The following DOCK8 variants were observed in gnomAD, a reference collection of about 807,000 sequenced individuals.
The protein encoded by DOCK8 is dedicator of cytokinesis protein 8.
A neutral mutation model predicts 245.6 loss-of-function variants in DOCK8; 141 were observed. The observed-to-expected ratio is 0.57, with a 90% CI of 0.50 to 0.66. DOCK8 has a LOEUF of 0.66. DOCK8 is among the 30% of genes least tolerant of loss of function. The probability of loss-of-function intolerance (pLI) is 0.00; values close to 1 mark genes in which losing one functional copy is unlikely to be tolerated. For synonymous variants in DOCK8, 1,168 were observed against 970.2 expected (o/e 1.20, Z -3.79); for missense variants, 2,965 against 2,603.4 (o/e 1.14, Z -3.02).
intron 4 of DOCK8, among the ~76,000 whole-genome samples, chr9:301,351 A>G (rs2049535696): frequency 6.6e-6 from 1 of 152,214 alleles, no homozygotes; most frequent in Non-Finnish European, 1.5e-5. Flanking sequence ...TCAAAATAAT[A>G]AGAGCCATCT....
intron 4 of DOCK8, among the ~76,000 whole-genome samples, chr9:302,314 G>A (rs915617556): frequency 1.8e-4 from 28 of 152,160 alleles, no homozygotes; most frequent in African/African-American, 6.3e-4. Context: ...TATTGAAATT[G>A]GACCCCTCCT....
chr9:313,539 CTT>C (rs749457763), intron 6 of DOCK8, among the ~76,000 whole-genome samples: 2 of 152,162 alleles, frequency 1.3e-5, no homozygotes, highest in East Asian at 1.9e-4. Flanking sequence ...AATTATCTCA[CTT>C]ATATATAGAA....
chr9:383,316 C>A (rs979960686), intron 22 of DOCK8, among the ~76,000 whole-genome samples: 14 of 152,070 alleles, frequency 9.2e-5, no homozygotes, highest in African/African-American at 3.4e-4. Flanking sequence ...GGGTGGATCA[C>A]AAGGTCAGGA....
At chr9:384,571 A>G (rs2053867682) in intron 22 of DOCK8, among the ~76,000 whole-genome samples, 1 of 152,212 alleles carries the variant, frequency 6.6e-6, no homozygotes, top group Admixed American at 6.5e-5. Context: ...ATCTCTGCAG[A>G]GGTCCTGGTC....
chr9:267,143 C>G (rs1563853828), intron 1 of DOCK8, among the ~76,000 whole-genome samples: 1 of 152,216 alleles, frequency 6.6e-6, no homozygotes, highest in Admixed American at 6.5e-5. Flanking sequence ...ATTTACATAA[C>G]TTTTAAACAT....
rs376602347 is a variant in DOCK8, at chr9:304,887, A to G, written c.528+183A>G. 4.9e-3 allele frequency among the ~76,000 whole-genome samples: 749 copies of G among 152,224 alleles called. 1 individual carries two copies. Among genetic ancestry groups the G allele is most frequent in the Non-Finnish European group, 7.6e-3 (517 of 68,018 alleles). On this transcript the variant is annotated intron_variant, in intron 5 of 47. Coordinates refer to ENST00000432829, the MANE Select transcript of DOCK8 (RefSeq NM_203447.4). ...TTGTAGCTGTAGAAATTGGTGTTCAAATGAAAACCCAGAAACCCAATGATT... is the reference window on the plus strand; with the variant it reads ...TTGTAGCTGTAGAAATTGGTGTTCAGATGAAAACCCAGAAACCCAATGATT...
intron 26 of DOCK8, among the ~76,000 whole-genome samples, chr9:403,966 A>ATATATATATGTGTATATATATATATGTG (rs2055284476): frequency 4.1e-5 from 3 of 72,736 alleles, no homozygotes; most frequent in Non-Finnish European, 6.8e-5. Flanking sequence ...ATATGTATAT[A>ATATATATATGTGTATATATATATATGTG]TATATATATG....
chr9:276,196 A>T (rs1586571192), intron 2 of DOCK8, among the ~76,000 whole-genome samples: 1 of 98,980 alleles, frequency 1.0e-5, no homozygotes, highest in Non-Finnish European at 2.2e-5. Context: ...CGGCCCATTT[A>T]AAAAAACTTT....
intron 5 of DOCK8, among the ~76,000 whole-genome samples, chr9:307,591 C>T (rs1266611651): frequency 6.6e-6 from 1 of 151,994 alleles, no homozygotes; most frequent in African/African-American, 2.4e-5. Flanking sequence ...CTCCTGACCT[C>T]AGGTGATCCA....
At chr9:423,211 TAAAA>T (rs1210575884) in intron 33 of DOCK8, among the ~76,000 whole-genome samples, 1 of 152,056 alleles carries the variant, frequency 6.6e-6, no homozygotes, top group Non-Finnish European at 1.5e-5. Flanking sequence ...AATGAAAGAA[TAAAA>T]AAACCTGTTT....
At chr9:251,003 T>A (rs528660978) in intron 1 of DOCK8, among the ~76,000 whole-genome samples, 3 of 152,288 alleles carry the variant, frequency 2.0e-5, no homozygotes, top group South Asian at 4.1e-4. Context: ...TCTTTTCTGA[T>A]GCCAGTGAGT....
intron 14 of DOCK8, among the ~76,000 whole-genome samples, chr9:346,267 C>A (rs1404354215): frequency 6.6e-6 from 1 of 152,166 alleles, no homozygotes; most frequent in African/African-American, 2.4e-5. Flanking sequence ...AACACATTTG[C>A]ACCAACTCCT....
intron 24 of DOCK8, among the ~76,000 whole-genome samples, chr9:395,485 G>C (rs2054406549): frequency 6.6e-6 from 1 of 152,090 alleles, no homozygotes; most frequent in African/African-American, 2.4e-5. Context: ...TCTTCTTCCA[G>C]TCTCAACACA....
At position 374,741 on chromosome 9, in the gene DOCK8, T is replaced by C. The variant is rs2053452691; in HGVS notation, c.2110-1469T>C. Among the ~76,000 whole-genome samples the C allele has an allele frequency of 2.6e-5, 4 of 151,870 alleles. No homozygotes were observed. The South Asian group carries it at 8.3e-4, about 32-fold the overall frequency. On this transcript the variant is annotated intron_variant, in intron 18 of 47. Transcript: ENST00000432829. ...TTGGACTCCCAAAGTCCTGGGATTA[T>C]AGGTGTGAGCCACCATGCCCGGCCC...
chr9:357,665 C>G (rs2052510176), intron 14 of DOCK8, among the ~76,000 whole-genome samples: 2 of 151,852 alleles, frequency 1.3e-5, no homozygotes, highest in Admixed American at 1.3e-4. Flanking sequence ...AGTACAGTAC[C>G]AGCGTTTATG....
intron 4 of DOCK8, among the ~76,000 whole-genome samples, chr9:297,891 G>A (rs943168169): frequency 1.3e-5 from 2 of 152,120 alleles, no homozygotes; most frequent in Admixed American, 1.3e-4. Flanking sequence ...GCTTTCCATA[G>A]CAAAAACCCT....
At chr9:352,136 G>A (rs548303891) in intron 14 of DOCK8, among the ~76,000 whole-genome samples, 16 of 152,216 alleles carry the variant, frequency 1.1e-4, no homozygotes, top group Non-Finnish European at 2.2e-4. Context: ...GGCATGGTGC[G>A]GGTAGCTGCT....
At chr9:363,976 T>C (rs565354426) in intron 14 of DOCK8, among the ~76,000 whole-genome samples, 1 of 152,330 alleles carries the variant, frequency 6.6e-6, no homozygotes, top group East Asian at 1.9e-4. Flanking sequence ...CTTCACAAAC[T>C]CTGGCTCATT....
Position 300,927 on chromosome 9 carries a change from A to G in DOCK8, c.405-3654A>G, listed in dbSNP as rs1435594961. The stretch of plus-strand genomic sequence containing the variant: ...TATACCAGATATACAAAGAAGAGCT[A>G]GTACCAATCCTACTGAAATTATTTC... On this transcript the variant is annotated intron_variant, in intron 4 of 47. Coordinates refer to ENST00000432829, the MANE Select transcript of DOCK8 (RefSeq NM_203447.4). 2.6e-5 allele frequency among the ~76,000 whole-genome samples: 4 copies of G among 152,208 alleles called. No individual in the cohort carries two copies. In the South Asian group the frequency reaches 6.2e-4, roughly 24 times the overall value.
Sources: allele counts gnomAD v4.1 joint callset (sites outside exome capture counted in the v4.1 genomes callset), GRCh38; gene constraint gnomAD v4.1.1; transcripts MANE v1.5; gene names NCBI Gene and HGNC (gene_info 2026-07-23, HGNC 2026-07-21).